The following BMPR2 variants were observed in gnomAD, a reference collection of about 807,000 sequenced individuals.
BMPR2 encodes bone morphogenetic protein receptor type 2.
BMPR2 carries 29 observed loss-of-function variants against 100.8 expected under a neutral mutation model. The ratio of observed to expected loss-of-function variants is 0.29; its 90% CI spans 0.21 to 0.39. The LOEUF (loss-of-function observed/expected upper bound fraction) is 0.39. BMPR2 is among the 10% of genes least tolerant of loss of function. BMPR2 has a pLI of 1.00. For synonymous variants in BMPR2, 382 were observed against 442.3 expected, an observed-to-expected ratio of 0.86 and a Z score of 1.71; for missense variants, 1,011 against 1,274.5, an observed-to-expected ratio of 0.79 and a Z score of 3.15.
intron 3 of BMPR2, among the ~76,000 whole-genome samples, chr2:202,494,021 A>C (rs938789733): frequency 2.6e-5 from 4 of 152,222 alleles, no homozygotes; most frequent in Non-Finnish European, 5.9e-5. Flanking sequence ...TCAATTTTTT[A>C]GGGCATTAAA....
At chr2:202,423,300 T>C (rs1007203201) in intron 1 of BMPR2, among the ~76,000 whole-genome samples, 1 of 152,214 alleles carries the variant, frequency 6.6e-6, no homozygotes, top group African/African-American at 2.4e-5. Flanking sequence ...GGCCAGAAGT[T>C]GGCAGTTTTT....
chr2:202,536,492 A>G (rs910711947), intron 9 of BMPR2, among the ~76,000 whole-genome samples: 11 of 152,206 alleles, frequency 7.2e-5, no homozygotes, highest in East Asian at 1.9e-4. Context: ...TCAGTTATCT[A>G]GAAGTATATT....
chr2:202,377,088 A>G lies in BMPR2; in HGVS notation c.-387A>G. On this transcript the variant is annotated 5_prime_UTR_variant, in exon 1 of 13. Coordinates refer to ENST00000374580, the MANE Select transcript of BMPR2 (RefSeq NM_001204.7). ...CCCTCGCCCCCCGACCCCGGATCGAATCCCCGCCCTCCGCACCCTGGATAT... is the reference window on the plus strand; with the variant it reads ...CCCTCGCCCCCCGACCCCGGATCGAGTCCCCGCCCTCCGCACCCTGGATAT... The G allele has an allele frequency of 1.9e-6, 1 of 533,944 alleles. No homozygotes were observed. Among genetic ancestry groups the G allele is most frequent in the South Asian group, 2.8e-5 (1 of 35,274 alleles). The allele number at this position is 533,944 out of a possible 1,614,324, so 33.1% of individuals were successfully genotyped here.
At chr2:202,397,717 T>G (rs2105908114) in intron 1 of BMPR2, among the ~76,000 whole-genome samples, 1 of 151,542 alleles carries the variant, frequency 6.6e-6, no homozygotes, top group Non-Finnish European at 1.5e-5. Context: ...CCAGGCTAGC[T>G]TCGAACTTCT....
At chr2:202,415,200 T>G (rs181906937) in intron 1 of BMPR2, among the ~76,000 whole-genome samples, 4 of 152,224 alleles carry the variant, frequency 2.6e-5, no homozygotes, top group Admixed American at 6.5e-5. Flanking sequence ...TTGGGCTCAG[T>G]GGCTCACACC....
chr2:202,491,967 T>C (rs1231762596), intron 3 of BMPR2, among the ~76,000 whole-genome samples: 12 of 152,178 alleles, frequency 7.9e-5, no homozygotes, highest in Non-Finnish European at 1.3e-4. Flanking sequence ...ATTTGTTACA[T>C]AGAAAAACAG....
At position 202,532,695 on chromosome 2, in the gene BMPR2, T is replaced by C. The variant is rs762676416; in HGVS notation, c.1239T>C (p.Tyr413=). The C allele has an allele frequency of 6.2e-7, 1 of 1,613,648 alleles. No individual in the cohort carries two copies. Among genetic ancestry groups the C allele is most frequent in the South Asian group, 1.1e-5 (1 of 91,084 alleles). The change falls in exon 9 of 13, where the codon TAT becomes TAC. Residue 413 remains tyrosine (Y), a synonymous_variant. Coordinates refer to ENST00000374580, the MANE Select transcript of BMPR2 (RefSeq NM_001204.7). The surrounding 1 kb of genome is among the most constrained non-coding windows in gnomAD (Gnocchi z 4.1). ...ACATGTATGCTCTTGGACTAATCTATTGGGAGATATTTATGAGATGTACAG... is the reference window on the plus strand; with the variant it reads ...ACATGTATGCTCTTGGACTAATCTACTGGGAGATATTTATGAGATGTACAG... The part of the protein sequence containing the change: ...QVDMYALGLI[Y]WEIFMRCTDL...
chr2:202,382,066 T>G (rs990262287), intron 1 of BMPR2, among the ~76,000 whole-genome samples: 1 of 148,802 alleles, frequency 6.7e-6, no homozygotes, highest in Non-Finnish European at 1.5e-5. Context: ...TTGTTTTTTT[T>G]TTTTTTTTTT....
Position 202,559,772 on chromosome 2 carries a change from T to C in BMPR2, c.2943T>C (p.Leu981=), listed in dbSNP as rs754776232. ...AACGTGTGAAAACTCCCTATTCTCT[T>C]AAGCGGTGGCGCCCCTCCACCTGGG... ...IKKRVKTPYS[L]KRWRPSTWVI... The change falls in exon 13 of 13, where the codon CTT becomes CTC. Residue 981 remains leucine, a synonymous_variant. Coordinates refer to ENST00000374580, the MANE Select transcript of BMPR2 (RefSeq NM_001204.7). 6.2e-7 allele frequency: 1 copy of C among 1,614,154 alleles called. No individual in the cohort carries two copies. The highest frequency in any genetic ancestry group is 2.2e-5 in the East Asian group (1 of 44,884).
intron 1 of BMPR2, among the ~76,000 whole-genome samples, chr2:202,461,347 G>C (rs1574460995): frequency 6.6e-6 from 1 of 152,026 alleles, no homozygotes; most frequent in African/African-American, 2.4e-5. Context: ...AGCCGGGCGT[G>C]GTGATGCATG....
chr2:202,448,463 TAAAAA>T (rs1326837701), intron 1 of BMPR2, among the ~76,000 whole-genome samples: 2 of 139,052 alleles, frequency 1.4e-5, no homozygotes, highest in Non-Finnish European at 3.1e-5. Context: ...AAAATAAAAA[TAAAAA>T]ATAAAAAAAA....
chr2:202,393,892 A>C (rs1275319432), intron 1 of BMPR2, among the ~76,000 whole-genome samples: 30 of 88,724 alleles, frequency 3.4e-4, no homozygotes, highest in African/African-American at 1.4e-3. Context: ...CGAGAGAGAG[A>C]GAGAGAGAGA....
chr2:202,526,222 T>A (rs986208836), intron 7 of BMPR2, among the ~76,000 whole-genome samples: 4 of 152,104 alleles, frequency 2.6e-5, no homozygotes, highest in Admixed American at 2.6e-4. Context: ...ACACCTCACC[T>A]CATAGATACC....
intron 1 of BMPR2, among the ~76,000 whole-genome samples, chr2:202,452,860 T>C (rs563401640): frequency 1.3e-4 from 20 of 152,312 alleles, no homozygotes; most frequent in Non-Finnish European, 1.6e-4. Context: ...TAGAATGTTA[T>C]GGAAGTATGT....
intron 1 of BMPR2, among the ~76,000 whole-genome samples, chr2:202,461,170 T>C (rs1250749206): frequency 6.6e-6 from 1 of 152,110 alleles, no homozygotes; most frequent in Non-Finnish European, 1.5e-5. Flanking sequence ...ATTGAAAGTA[T>C]TGATTATCAA....
intron 1 of BMPR2, among the ~76,000 whole-genome samples, chr2:202,458,375 T>TG (rs1189685680): frequency 1.3e-5 from 2 of 148,918 alleles, no homozygotes; most frequent in African/African-American, 4.9e-5. Flanking sequence ...GAGACTTAGG[T>TG]GGGAGGATCC....
chr2:202,497,219 G>A lies in BMPR2; in HGVS notation c.419-16500G>A, dbSNP rs569354712. Among the ~76,000 whole-genome samples the A allele has an allele frequency of 2.8e-3, 424 of 152,212 alleles. 1 individual carries two copies. The highest frequency in any genetic ancestry group is 8.1e-3 in the African/African-American group (338 of 41,522). On this transcript the variant is annotated intron_variant, in intron 3 of 12. Transcript: ENST00000374580. Reference sequence around the variant, plus strand: ...CCCTCCATGGGCCCCTGTGCGGCCCGAGCCTCCCCGATGAGTGCCGCCCCC... The same window carrying A: ...CCCTCCATGGGCCCCTGTGCGGCCCAAGCCTCCCCGATGAGTGCCGCCCCC...
At chr2:202,524,327 A>C (rs1050854328) in intron 7 of BMPR2, among the ~76,000 whole-genome samples, 1 of 148,902 alleles carries the variant, frequency 6.7e-6, no homozygotes, top group African/African-American at 2.5e-5. Context: ...GCGCCACTGC[A>C]CTCCAGCCTG....
intron 3 of BMPR2, among the ~76,000 whole-genome samples, chr2:202,501,268 G>A (rs1460142801): frequency 6.6e-6 from 1 of 152,180 alleles, no homozygotes; most frequent in Non-Finnish European, 1.5e-5. Flanking sequence ...AACATTTGAG[G>A]GGGTTCCTTG....
Sources: allele counts gnomAD v4.1 joint callset (sites outside exome capture counted in the v4.1 genomes callset), GRCh38; gene constraint gnomAD v4.1.1; non-coding constraint Gnocchi (gnomAD v3.1); transcripts MANE v1.5; gene names NCBI Gene and HGNC (gene_info 2026-07-23, HGNC 2026-07-21).